Variants in PDZD8 observed in about 807,000 individuals in gnomAD.
The protein encoded by PDZD8 is PDZ domain-containing protein 8.
In PDZD8, 14 loss-of-function variants were observed where a neutral mutation model predicts 85.8. That is an observed-to-expected ratio of 0.16 (90% CI 0.11 to 0.26). The LOEUF (loss-of-function observed/expected upper bound fraction) is 0.26, where lower values mean the gene tolerates loss of function less well. Ranked by LOEUF, PDZD8 falls within the 10% of genes least tolerant of loss-of-function variation. PDZD8 has a pLI of 1.00. For missense variants in PDZD8, 1,197 were observed against 1,424.3 expected, an observed-to-expected ratio of 0.84 and a Z score of 2.57; for synonymous variants, 592 against 568.6, an observed-to-expected ratio of 1.04 and a Z score of -0.59.
intron 2 of PDZD8, among the ~76,000 whole-genome samples, chr10:117,331,880 C>T (rs532898493): frequency 1.3e-5 from 2 of 152,198 alleles, no homozygotes; most frequent in African/African-American, 4.8e-5. Context: ...GAAAAGAGAG[C>T]CTACATAAAT....
intron 2 of PDZD8, among the ~76,000 whole-genome samples, chr10:117,340,683 G>A (rs1478462169): frequency 2.6e-5 from 4 of 152,022 alleles, no homozygotes; most frequent in African/African-American, 4.8e-5. Context: ...TTTAACATAG[G>A]AACAGCTCCC....
intron 1 of PDZD8, among the ~76,000 whole-genome samples, chr10:117,371,162 A>G (rs564512690): frequency 6.6e-6 from 1 of 152,158 alleles, no homozygotes; most frequent in Non-Finnish European, 1.5e-5. Flanking sequence ...GTCCCACATC[A>G]TCACCAGTTT....
intron 1 of PDZD8, among the ~76,000 whole-genome samples, chr10:117,349,583 G>A (rs979318711): frequency 4.6e-5 from 7 of 152,258 alleles, no homozygotes; most frequent in Non-Finnish European, 1.0e-4. Flanking sequence ...CAGGCGACCT[G>A]CTTGAGCTCA....
At chr10:117,304,404 T>TTTGATTTTACA (rs1843897252) in intron 3 of PDZD8, among the ~76,000 whole-genome samples, 1 of 152,200 alleles carries the variant, frequency 6.6e-6, no homozygotes, top group South Asian at 2.1e-4. Flanking sequence ...TACAGGCTCA[T>TTTGATTTTACA]AGGCGGAAGG....
chr10:117,296,712 G>T (rs563641769), intron 3 of PDZD8, among the ~76,000 whole-genome samples: 1 of 152,050 alleles, frequency 6.6e-6, no homozygotes, highest in East Asian at 1.9e-4. Flanking sequence ...TAGGGAAAAG[G>T]GTATACTGAG....
intron 2 of PDZD8, among the ~76,000 whole-genome samples, chr10:117,328,276 C>T (rs112573848): frequency 1.3e-5 from 2 of 152,192 alleles, no homozygotes; most frequent in African/African-American, 4.8e-5. Flanking sequence ...CTTGTGCCTG[C>T]TTTTGACCTG....
At position 117,368,862 on chromosome 10, in the gene PDZD8, T is replaced by G. The variant is rs1214808792; in HGVS notation, c.872+5494A>C. Among the ~76,000 whole-genome samples the G allele has an allele frequency of 2.6e-3, 348 of 135,532 alleles. 1 individual carries two copies. Among genetic ancestry groups the G allele is most frequent in the African/African-American group, 8.6e-3 (330 of 38,310 alleles). The allele number at this position is 135,532 out of a possible 152,430, so 88.9% of individuals were successfully genotyped here. ...ATTATATTGACAATGTTTTTTTTTT[T>G]TTTTTTTTTTTTTGAGACAGTCTCA... On this transcript the variant is annotated intron_variant, in intron 1 of 4. Transcript: ENST00000334464.
intron 3 of PDZD8, among the ~76,000 whole-genome samples, chr10:117,311,372 C>T (rs760187059): frequency 1.3e-5 from 2 of 152,032 alleles, no homozygotes; most frequent in African/African-American, 2.4e-5. Context: ...CTAAAAGTCA[C>T]GCTAAAACTT....
At chr10:117,362,068 G>C (rs1289157168) in intron 1 of PDZD8, among the ~76,000 whole-genome samples, 1 of 152,102 alleles carries the variant, frequency 6.6e-6, no homozygotes, top group Non-Finnish European at 1.5e-5. Flanking sequence ...TAACTGTCCA[G>C]CTTTCTCCTA....
chr10:117,291,732 A>T (rs139556717), intron 3 of PDZD8, among the ~76,000 whole-genome samples: 1 of 151,988 alleles, frequency 6.6e-6, no homozygotes, highest in African/African-American at 2.4e-5. Context: ...CTAACCCATC[A>T]AGATCATTTT....
At chr10:117,368,192 ATGAC>A (rs1845123174) in intron 1 of PDZD8, among the ~76,000 whole-genome samples, 1 of 152,256 alleles carries the variant, frequency 6.6e-6, no homozygotes, top group African/African-American at 2.4e-5. Context: ...CTGAAGATAA[ATGAC>A]TATTTTTTAA....
chr10:117,323,129 G>A (rs746001968), intron 2 of PDZD8, among the ~76,000 whole-genome samples: 36 of 152,116 alleles, frequency 2.4e-4, no homozygotes, highest in Admixed American at 3.9e-4. Context: ...TATGAAGACC[G>A]TTCCAGAAGA....
At chr10:117,348,481 CA>C (rs1173464404) in intron 1 of PDZD8, among the ~76,000 whole-genome samples, 3 of 152,084 alleles carry the variant, frequency 2.0e-5, no homozygotes, top group Non-Finnish European at 4.4e-5. Flanking sequence ...CGATGGCTTC[CA>C]TAACAGAACT....
Position 117,324,151 on chromosome 10 carries a change from G to A in PDZD8, c.996-5177C>T, listed in dbSNP as rs115584068. Among the ~76,000 whole-genome samples, 949 of 146,588 alleles carry A rather than the reference G, an allele frequency of 6.5e-3. 13 individuals are homozygous for A. Among genetic ancestry groups the A allele is most frequent in the African/African-American group, 0.023 (904 of 39,654 alleles). ...GCTGAGAGAGGAGAACTGCTTGAACGCGGGAGGCTGAGGTTGCAGTGAGCC... is the reference window on the plus strand; with the variant it reads ...GCTGAGAGAGGAGAACTGCTTGAACACGGGAGGCTGAGGTTGCAGTGAGCC... On this transcript the variant is annotated intron_variant, in intron 2 of 4. Coordinates refer to ENST00000334464, the MANE Select transcript of PDZD8 (RefSeq NM_173791.5).
In PDZD8 at chr10:117,374,957, T is replaced by C. The variant is rs536734600; in HGVS notation, c.271A>G (p.Thr91Ala). The C allele has an allele frequency of 8.3e-5, 133 of 1,608,480 alleles. 1 individual carries two copies. The African/African-American group carries it at 1.7e-3, about 20-fold the overall frequency. Residue 91 changes from threonine (T) to alanine (A), a missense_variant, in exon 1 of 5, where the codon ACG (threonine) becomes GCG (alanine). Around this residue, in one of 4 missense-constraint regions of PDZD8, gnomAD observed 172 missense variants for 137.8 expected, o/e 1.25. Coordinates refer to ENST00000334464, the MANE Select transcript of PDZD8 (RefSeq NM_173791.5). This position sits in a 1 kb window ranked among gnomAD's most constrained non-coding sequence, Gnocchi z 7.8. ...TAAPETPAPP[T>A]RETCYFLNAT... is the part of the protein sequence containing the mutation. Reference sequence around the variant, plus strand: ...TTGAGGAAGTAGCAAGTCTCCCGCGTCGGCGGGGCGGGGGTCTCGGGGGCC... The same window carrying C: ...TTGAGGAAGTAGCAAGTCTCCCGCGCCGGCGGGGCGGGGGTCTCGGGGGCC...
intron 1 of PDZD8, among the ~76,000 whole-genome samples, chr10:117,368,113 AG>A (rs1386129138): frequency 6.6e-6 from 1 of 152,234 alleles, no homozygotes; most frequent in Non-Finnish European, 1.5e-5. Flanking sequence ...AGCATGAACT[AG>A]TTTATAACCA....
At chr10:117,359,624 T>C (rs562264717) in intron 1 of PDZD8, among the ~76,000 whole-genome samples, 8 of 151,922 alleles carry the variant, frequency 5.3e-5, no homozygotes, top group Admixed American at 2.0e-4. Flanking sequence ...GGTGGGAGAA[T>C]TGCTTGAGCC....
Position 117,341,019 on chromosome 10 carries a change from G to A in PDZD8, c.956C>T (p.Thr319Ile), listed in dbSNP as rs746425432. Residue 319 changes from threonine (T) to isoleucine (I), a missense_variant, in exon 2 of 5, where the codon ACT (threonine) becomes ATT (isoleucine). By Grantham distance (89) the Thr-to-Ile change is moderately conservative (BLOSUM62 -1). Coordinates refer to ENST00000334464, the MANE Select transcript of PDZD8 (RefSeq NM_173791.5). The stretch of plus-strand genomic sequence containing the variant: ...CAACGTAACTTTAAGACGGCCTTCA[G>A]TAAGTGCCCATTGTTGTATATGGAT... Reference protein sequence around the residue: ...EHIHIQQWALTEGRLKVTLLE... With the variant: ...EHIHIQQWALIEGRLKVTLLE... 7.4e-6 allele frequency: 12 copies of A among 1,614,010 alleles called. No homozygotes were observed. The Admixed American group carries it at 2.0e-4, about 27-fold the overall frequency.
At chr10:117,362,945 T>C (rs115162175) in intron 1 of PDZD8, among the ~76,000 whole-genome samples, 1 of 152,196 alleles carries the variant, frequency 6.6e-6, no homozygotes, top group African/African-American at 2.4e-5. Context: ...CTGGTCTCGA[T>C]TAAAATCCAA....
Sources: allele counts gnomAD v4.1 joint callset (sites outside exome capture counted in the v4.1 genomes callset), GRCh38; gene constraint gnomAD v4.1.1; regional missense constraint gnomAD v4.1.1; non-coding constraint Gnocchi (gnomAD v3.1); transcripts MANE v1.5; gene names NCBI Gene and HGNC (gene_info 2026-07-23, HGNC 2026-07-21).